The following PLIN5 variants were observed in gnomAD, a reference collection of about 807,000 sequenced individuals.
PLIN5 encodes the protein perilipin-5.
A neutral mutation model predicts 32.8 loss-of-function variants in PLIN5; 34 were observed. The observed-to-expected ratio is 1.04, with a 90% CI of 0.79 to 1.38. PLIN5 has a LOEUF of 1.38. Among genes scored for constraint, PLIN5 ranks in the 40% most tolerant of loss-of-function variants. The pLI, the probability that PLIN5 is intolerant of heterozygous loss-of-function variation, is 0.00. For missense variants in PLIN5, 712 were observed against 660.5 expected, an observed-to-expected ratio of 1.08 and a Z score of -0.85; for synonymous variants, 309 against 292.9, an observed-to-expected ratio of 1.05 and a Z score of -0.56.
At position 4,523,744 on chromosome 19, in the gene PLIN5, C is replaced by CAGGTCGGGCAGG. The variant is rs746864460; in HGVS notation, c.1164_1175dup (p.Leu389_Leu392dup). 24 of 1,600,632 alleles carry CAGGTCGGGCAGG rather than the reference C, an allele frequency of 1.5e-5. No individual in the cohort carries two copies. The highest frequency in any genetic ancestry group is 5.3e-5 in the African/African-American group (4 of 74,896). ...CGATGACCTCGTCCACCAGGTCCGC[C>CAGGTCGGGCAGG]AGGTCGGGCAGGGGCTCGGGTCGCT... is the stretch of plus-strand genomic sequence containing the variant. On this transcript the variant is annotated inframe_insertion, in exon 8 of 8. Coordinates refer to ENST00000381848, the MANE Select transcript of PLIN5 (RefSeq NM_001013706.3). The surrounding 1 kb of genome is among the most constrained non-coding windows in gnomAD (Gnocchi z 5.0).
Position 4,525,481 on chromosome 19 carries a change from G to A in PLIN5, c.720+152C>T, listed in dbSNP as rs1704908060. ...GACATCCCTGGGCTCCTCCAGGCCCGGGTCCCCCAGCCCTGAACACATGCA... is the reference window on the plus strand; with the variant it reads ...GACATCCCTGGGCTCCTCCAGGCCCAGGTCCCCCAGCCCTGAACACATGCA... On this transcript the variant is annotated intron_variant, in intron 6 of 7. Coordinates refer to ENST00000381848, the MANE Select transcript of PLIN5 (RefSeq NM_001013706.3). This position sits in a 1 kb window ranked among gnomAD's most constrained non-coding sequence, Gnocchi z 5.6. The A allele has an allele frequency of 1.9e-5, 18 of 949,592 alleles. No individual in the cohort carries two copies. The highest frequency in any genetic ancestry group is 3.4e-5 in the South Asian group (2 of 58,720). 58.8% of individuals were successfully genotyped at this position (949,592 alleles called of 1,614,324 possible).
rs980291688 is a variant in PLIN5 at position 4,531,826 on chromosome 19, C to T, written c.61-4G>A. On this transcript the variant is annotated splice_region_variant and splice_polypyrimidine_tract_variant and intron_variant, in intron 2 of 7. Transcript: ENST00000381848. ...CCACCACACGCTGCACCACGTTCTGCGGGAAGGGTCGGCATCAGGGGGACC... is the reference window on the plus strand; with the variant it reads ...CCACCACACGCTGCACCACGTTCTGTGGGAAGGGTCGGCATCAGGGGGACC... 6.5e-6 allele frequency: 10 copies of T among 1,532,762 alleles called. No homozygotes were observed. The highest frequency in any genetic ancestry group is 1.2e-5 in the South Asian group (1 of 80,406). 94.9% of individuals were successfully genotyped at this position (1,532,762 alleles called of 1,614,324 possible).
In PLIN5 at chr19:4,525,629, TCAC is replaced by T; in HGVS notation, c.720+1_720+3del. 6.2e-7 allele frequency: 1 copy of T among 1,612,518 alleles called. No homozygotes were observed. Among genetic ancestry groups the T allele is most frequent in the Non-Finnish European group, 8.5e-7 (1 of 1,179,954 alleles). Reference sequence around the variant, plus strand: ...CGGAGCAGGGGCGGGCAGCGGGCTCTCACCAGCTCCAGCGTCTCCTGCAGCTGG... The same window carrying T: ...CGGAGCAGGGGCGGGCAGCGGGCTCTCAGCTCCAGCGTCTCCTGCAGCTGG... On this transcript the variant is annotated splice_donor_variant and splice_donor_region_variant and intron_variant, in intron 6 of 7. Transcript: ENST00000381848. LOFTEE classifies it high-confidence loss of function. The surrounding 1 kb of genome is among the most constrained non-coding windows in gnomAD (Gnocchi z 5.6).
Position 4,523,634 on chromosome 19 carries a change from TTCCCAC to T in PLIN5, c.1280_1285del (p.Ser427_Gly428del), listed in dbSNP as rs1976759162. 4 of 1,611,270 alleles carry T rather than the reference TTCCCAC, an allele frequency of 2.5e-6. No individual in the cohort carries two copies. The highest frequency in any genetic ancestry group is 2.2e-5 in the East Asian group (1 of 44,748). On this transcript the variant is annotated inframe_deletion, in exon 8 of 8. Transcript: ENST00000381848. This position sits in a 1 kb window ranked among gnomAD's most constrained non-coding sequence, Gnocchi z 5.0. ...AACACCCATCCTGTCCCCATCCCCA[TTCCCAC>T]TCCCGTCCCTGTGCTCTGCCTCCCA...
chr19:4,527,232 C>T (rs962166790), intron 5 of PLIN5, among the ~76,000 whole-genome samples: 8 of 152,042 alleles, frequency 5.3e-5, no homozygotes, highest in South Asian at 2.1e-4. Context: ...CCCGCCACCA[C>T]GCCCGGCCAA....
intron 1 of PLIN5, 64 bp from the exon 2 acceptor site, chr19:4,534,159 C>T: frequency 6.9e-7 from 1 of 1,439,146 alleles, no homozygotes; most frequent in South Asian, 1.2e-5. Flanking sequence ...AAATTGGGCT[C>T]TGTGACTTGA....
intron 3 of PLIN5, among the ~76,000 whole-genome samples, chr19:4,530,694 A>T (rs545960757): frequency 1.4e-3 from 217 of 152,204 alleles, no homozygotes; most frequent in African/African-American, 5.0e-3. Flanking sequence ...TTATTTTGAG[A>T]CAGAGTCTAG....
intron 2 of PLIN5, 21 bp from the exon 3 acceptor site, chr19:4,531,843 A>C (rs1386655790): frequency 6.6e-7 from 1 of 1,512,584 alleles, no homozygotes; most frequent in South Asian, 1.3e-5. Flanking sequence ...GGTCGGCATC[A>C]GGGGGACCCT....
rs1976756658 is a variant in PLIN5, at chr19:4,523,512, T to A, written c.*16A>T. 1 of 1,527,470 alleles carries A rather than the reference T, an allele frequency of 6.5e-7. No homozygotes were observed. The highest frequency in any genetic ancestry group is 1.4e-5 in the African/African-American group (1 of 71,894). The allele number at this position is 1,527,470 out of a possible 1,614,324, so 94.6% of individuals were successfully genotyped here. On this transcript the variant is annotated 3_prime_UTR_variant, in exon 8 of 8. Transcript: ENST00000381848. The surrounding 1 kb of genome is among the most constrained non-coding windows in gnomAD (Gnocchi z 5.0). Reference sequence around the variant, plus strand: ...GTGCAGGTGGCCTTTCCTCCCCGCCTCCACTGGCCCATGGGTCAGAAGTCC... The same window carrying A: ...GTGCAGGTGGCCTTTCCTCCCCGCCACCACTGGCCCATGGGTCAGAAGTCC...
intron 2 of PLIN5, 200 bp downstream of exon 2, chr19:4,533,815 G>T: frequency 3.2e-6 from 2 of 626,748 alleles, no homozygotes; most frequent in South Asian, 4.0e-5. Flanking sequence ...GGGTGTCTTT[G>T]AGAGACACTC....
chr19:4,524,600 CT>C (rs1976775959), intron 7 of PLIN5, among the ~76,000 whole-genome samples: 1 of 151,964 alleles, frequency 6.6e-6, no homozygotes, highest in South Asian at 2.1e-4. Context: ...GGTTTCTAGG[CT>C]ATAGGTTCAG....
chr19:4,525,555 G>A lies in PLIN5; in HGVS notation c.720+78C>T. 1.9e-6 allele frequency: 3 copies of A among 1,542,494 alleles called. No homozygotes were observed. The highest frequency in any genetic ancestry group is 2.6e-6 in the Non-Finnish European group (3 of 1,132,912). ...CCGCCTCCTGCTTTAGGCTAGCACGGGATCCGGTATTCAGCTGGTGCTCAA... is the reference window on the plus strand; with the variant it reads ...CCGCCTCCTGCTTTAGGCTAGCACGAGATCCGGTATTCAGCTGGTGCTCAA... On this transcript the variant is annotated intron_variant, in intron 6 of 7. Transcript: ENST00000381848. The surrounding 1 kb of genome is among the most constrained non-coding windows in gnomAD (Gnocchi z 5.6).
chr19:4,524,237 C>T, intron 7 of PLIN5, 152 bp from the exon 8 acceptor site: 1 of 767,074 alleles, frequency 1.3e-6, no homozygotes, highest in Non-Finnish European at 1.9e-6. Context: ...GTGACCCAGC[C>T]CTGACTCAGT....
At chr19:4,530,985 A>G (rs1293885796) in intron 3 of PLIN5, among the ~76,000 whole-genome samples, 1 of 148,096 alleles carries the variant, frequency 6.8e-6, no homozygotes, top group African/African-American at 2.5e-5. Context: ...TCAGGGGATC[A>G]GTTTTTTTTG....
chr19:4,529,021 G>A lies in PLIN5; in HGVS notation c.520+52C>T, dbSNP rs374117872. 3 of 1,568,192 alleles carry A rather than the reference G, an allele frequency of 1.9e-6. No individual in the cohort carries two copies. The African/African-American group carries it at 4.0e-5, about 21-fold the overall frequency. The stretch of plus-strand genomic sequence containing the variant: ...AGACCTCTCTGATCTGTACCACAGG[G>A]GATGGGGACGGGGCAGGACTCAGGG... On this transcript the variant is annotated intron_variant, in intron 5 of 7. Coordinates refer to ENST00000381848, the MANE Select transcript of PLIN5 (RefSeq NM_001013706.3).
chr19:4,531,512 C>A, intron 3 of PLIN5, 115 bp downstream of exon 3: 1 of 1,093,178 alleles, frequency 9.1e-7, no homozygotes, highest in Non-Finnish European at 1.2e-6. Flanking sequence ...GGACAGGTGG[C>A]TAGGCTGAAG....
In PLIN5 at chr19:4,522,737, C is replaced by T. The variant is rs999194939; in HGVS notation, c.*791G>A. 2 of 152,064 alleles carry T rather than the reference C, an allele frequency of 1.3e-5. No homozygotes were observed. Among genetic ancestry groups the T allele is most frequent in the African/African-American group, 4.8e-5 (2 of 41,346 alleles). 9.4% of individuals were successfully genotyped at this position (152,064 alleles called of 1,614,324 possible). On this transcript the variant is annotated 3_prime_UTR_variant, in exon 8 of 8. Transcript: ENST00000381848. ...TTGCTCTGTCACCCAGGCGAGAGCG[C>T]AGGGGCAAGATCATGGCTCACTGCA...
At chr19:4,524,576 G>A (rs1976775599) in intron 7 of PLIN5, among the ~76,000 whole-genome samples, 1 of 152,026 alleles carries the variant, frequency 6.6e-6, no homozygotes, top group African/African-American at 2.4e-5. Flanking sequence ...AAATAAAGTG[G>A]AAAGTGGAGA....
At chr19:4,530,556 A>C (rs1227463142) in intron 3 of PLIN5, among the ~76,000 whole-genome samples, 1 of 152,162 alleles carries the variant, frequency 6.6e-6, no homozygotes, top group East Asian at 1.9e-4. Context: ...CTGGAGAGAC[A>C]AATGGACCCA....
Sources: gnomAD v4.1 joint callset for allele counts (sites outside exome capture counted in the v4.1 genomes callset) on GRCh38, gnomAD v4.1.1 for gene constraint, Gnocchi (gnomAD v3.1) non-coding constraint, MANE v1.5 for transcripts, NCBI Gene and HGNC (gene_info 2026-07-23, HGNC 2026-07-21) for gene names.